EXTL3: variants seen among roughly 807,000 people sequenced by gnomAD.
EXTL3 encodes the protein exostosin like glycosyltransferase 3, also known as exostosin-like 3.
A neutral mutation model predicts 69.3 loss-of-function variants in EXTL3; 27 were observed. That is an observed-to-expected ratio of 0.39 (90% CI 0.29 to 0.54). The LOEUF (loss-of-function observed/expected upper bound fraction) is 0.54, where lower values mean the gene tolerates loss of function less well. EXTL3 is among the 20% of genes least tolerant of loss of function. The pLI is 0.69. For missense variants in EXTL3, 1,003 were observed against 1,231.8 expected (o/e 0.81, Z 2.78); for synonymous variants, 511 against 499.4 (o/e 1.02, Z -0.31).
chr8:28,718,191 T>TA lies in EXTL3; in HGVS notation c.2132_2133insA (p.Gly712TrpfsTer10), dbSNP rs763849655. The TA allele has an allele frequency of 1.2e-6, 2 of 1,614,164 alleles. No homozygotes were observed. Among genetic ancestry groups the TA allele is most frequent in the Non-Finnish European group, 1.7e-6 (2 of 1,180,028 alleles). The stretch of plus-strand genomic sequence containing the variant: ...TCAGAGGACCTTCTGTGGCCTGACA[T>TA]TGGCGTCCCCATCATGGTAATAGAG... On this transcript the variant is annotated frameshift_variant, in exon 3 of 7. Transcript: ENST00000220562. LOFTEE classifies it high-confidence loss of function.
chr8:28,616,082 G>GA (rs1243052796), intron 2 of EXTL3, among the ~76,000 whole-genome samples: 1 of 151,864 alleles, frequency 6.6e-6, no homozygotes, highest in East Asian at 1.9e-4. Context: ...TTTAAAAAAA[G>GA]AAAAAAGATA....
intron 1 of EXTL3, among the ~76,000 whole-genome samples, chr8:28,642,432 C>T (rs376957598): frequency 3.6e-5 from 5 of 137,498 alleles, no homozygotes; most frequent in East Asian, 2.1e-4. Context: ...GGTGACAGAG[C>T]GAAACACTGT....
intron 1 of EXTL3, among the ~76,000 whole-genome samples, chr8:28,668,684 A>G (rs1807237634): frequency 6.6e-6 from 1 of 151,912 alleles, no homozygotes; most frequent in South Asian, 2.1e-4. Flanking sequence ...GGAAGCTACC[A>G]TTAATTTTCA....
upstream of EXTL3, among the ~76,000 whole-genome samples, chr8:28,619,841 G>A (rs1301434835): frequency 1.8e-5 from 2 of 108,860 alleles, no homozygotes; most frequent in Non-Finnish European, 3.7e-5. Context: ...CAGGGCTTCT[G>A]GTTCTTTTTT....
At chr8:28,724,655 C>T (rs1306443568) in intron 3 of EXTL3, among the ~76,000 whole-genome samples, 7 of 151,800 alleles carry the variant, frequency 4.6e-5, no homozygotes. Flanking sequence ...CAAAAATTAG[C>T]CAGGTGCAGT....
intron 3 of EXTL3, among the ~76,000 whole-genome samples, chr8:28,722,370 G>A (rs1245358748): frequency 6.6e-6 from 1 of 152,224 alleles, no homozygotes; most frequent in Non-Finnish European, 1.5e-5. Flanking sequence ...TAGCCTAGGC[G>A]AGGAGCGGTG....
chr8:28,652,764 C>CATTAAGCTAATCATTGAAAAGATGCT (rs1175806682), intron 1 of EXTL3, among the ~76,000 whole-genome samples: 2 of 152,042 alleles, frequency 1.3e-5, no homozygotes, highest in Admixed American at 1.3e-4. Flanking sequence ...TAATGATTAG[C>CATTAAGCTAATCATTGAAAAGATGCT]AATGTTGAGC....
Position 28,717,841 on chromosome 8 carries a change from T to C in EXTL3, c.1782T>C (p.Thr594=). 6.2e-7 allele frequency: 1 copy of C among 1,612,120 alleles called. No homozygotes were observed. The highest frequency in any genetic ancestry group is 2.2e-5 in the East Asian group (1 of 44,806). ...CACCCAGATACCTCCGCAATTTCACTCTGACTGTCACTGACTTTTACCGCA... is the reference window on the plus strand; with the variant it reads ...CACCCAGATACCTCCGCAATTTCACCCTGACTGTCACTGACTTTTACCGCA... ...YASPRYLRNF[T]LTVTDFYRSW... Residue 594 remains threonine, a synonymous_variant, in exon 3 of 7, where the codon ACT becomes ACC. Coordinates refer to ENST00000220562, the MANE Select transcript of EXTL3 (RefSeq NM_001440.4). The surrounding 1 kb of genome is among the most constrained non-coding windows in gnomAD (Gnocchi z 8.3).
At chr8:28,671,188 G>A (rs527615949) in intron 1 of EXTL3, among the ~76,000 whole-genome samples, 39 of 152,032 alleles carry the variant, frequency 2.6e-4, no homozygotes, top group African/African-American at 8.9e-4. Flanking sequence ...CACCATGTTG[G>A]CTAGGCTAGT....
In EXTL3 at chr8:28,750,818, C is replaced by T. The variant is rs1198557018; in HGVS notation, c.2712C>T (p.Phe904=). 2 of 1,614,192 alleles carry T rather than the reference C, an allele frequency of 1.2e-6. No individual in the cohort carries two copies. Among genetic ancestry groups the T allele is most frequent in the South Asian group, 1.1e-5 (1 of 91,074 alleles). ...AGTTCAGGGTGGATTCTGTGCTCTT[C>T]AAGACACGCCTGCCCCATGACAAGA... ...YTQFRVDSVL[F]KTRLPHDKTK... is the part of the protein sequence containing the mutation. Residue 904 remains phenylalanine (F), a synonymous_variant, in exon 7 of 7, where the codon TTC becomes TTT. Coordinates refer to ENST00000220562, the MANE Select transcript of EXTL3 (RefSeq NM_001440.4). This position sits in a 1 kb window ranked among gnomAD's most constrained non-coding sequence, Gnocchi z 5.2.
chr8:28,661,160 G>C (rs979345760), intron 1 of EXTL3, among the ~76,000 whole-genome samples: 2 of 151,728 alleles, frequency 1.3e-5, no homozygotes, highest in Non-Finnish European at 2.9e-5. Flanking sequence ...TGATCCGCCC[G>C]CCTCAGCCTC....
rs200448051 is a variant in EXTL3 at position 28,710,613 on chromosome 8, C to T, written c.-569-2844C>T. The stretch of plus-strand genomic sequence containing the variant: ...TTTTTTTTTGTAGTTTTCTTTCTTT[C>T]TTTTTTTTTTTTTTTTTGAGGCAAG... On this transcript the variant is annotated intron_variant, in intron 1 of 6. Coordinates refer to ENST00000220562, the MANE Select transcript of EXTL3 (RefSeq NM_001440.4). 5.8e-4 allele frequency: 158 copies of T among 272,700 alleles called. No individual in the cohort carries two copies. In the Middle Eastern group the frequency reaches 6.1e-3, roughly 10 times the overall value. The allele number at this position is 272,700 out of a possible 1,614,324, so 16.9% of individuals were successfully genotyped here.
In EXTL3 at chr8:28,664,041, CCTT is replaced by C. The variant is rs375786294; in HGVS notation, c.-53+41236_-53+41238del. Among the ~76,000 whole-genome samples the C allele has an allele frequency of 4.0e-3, 617 of 152,358 alleles. 12 individuals carry two copies. The South Asian group carries it at 0.048, about 12-fold the overall frequency. On this transcript the variant is annotated intron_variant, in intron 1 of 6. Coordinates refer to the EXTL3 transcript ENST00000523149. ...ACACGTGGGCCCTGACCAGGTGACACCTTCTTCACCAGTGACGGAATGACTATT... is the reference window on the plus strand; with the variant it reads ...ACACGTGGGCCCTGACCAGGTGACACCTTCACCAGTGACGGAATGACTATT...
At chr8:28,702,174 A>C (rs1319360752) in intron 1 of EXTL3, among the ~76,000 whole-genome samples, 2 of 151,664 alleles carry the variant, frequency 1.3e-5, no homozygotes, top group Non-Finnish European at 2.9e-5. Context: ...CCCCGCTTCT[A>C]CACGCAGTCG....
rs140964100 is a variant in EXTL3, at chr8:28,609,215, C to T, written n.314+1457C>T. 6.4e-4 allele frequency among the ~76,000 whole-genome samples: 97 copies of T among 152,126 alleles called. 1 individual carries two copies. In the East Asian group the frequency reaches 0.017, roughly 27 times the overall value. ...TTGAGTTAGAGAAATAGCCTGGGGC[C>T]GTCACAGAGCATTTGTGACTCAGAG... On this transcript the variant is annotated intron_variant and non_coding_transcript_variant, in intron 2 of 4. Coordinates refer to the EXTL3 transcript ENST00000522725.
intron 1 of EXTL3, among the ~76,000 whole-genome samples, chr8:28,695,987 G>A (rs183243120): frequency 6.6e-6 from 1 of 151,956 alleles, no homozygotes; most frequent in South Asian, 2.1e-4. Context: ...GTGCGATCAC[G>A]GCTCACTGCA....
At chr8:28,672,788 A>C (rs962439611) in intron 1 of EXTL3, among the ~76,000 whole-genome samples, 1 of 152,134 alleles carries the variant, frequency 6.6e-6, no homozygotes, top group East Asian at 1.9e-4. Context: ...AAAACCTAGA[A>C]AGGTAACCGA....
intron 1 of EXTL3, among the ~76,000 whole-genome samples, chr8:28,641,962 A>G (rs2130585337): frequency 6.6e-6 from 1 of 152,080 alleles, no homozygotes; most frequent in East Asian, 1.9e-4. Flanking sequence ...CAGCCTCCCA[A>G]GTAGCTGGGA....
At chr8:28,673,625 G>C (rs1330305252) in intron 1 of EXTL3, among the ~76,000 whole-genome samples, 1 of 152,170 alleles carries the variant, frequency 6.6e-6, no homozygotes, top group Non-Finnish European at 1.5e-5. Context: ...ATAATCGTGT[G>C]AGTCAATTCC....
Sources: allele counts gnomAD v4.1 joint callset (sites outside exome capture counted in the v4.1 genomes callset), GRCh38; gene constraint gnomAD v4.1.1; non-coding constraint Gnocchi (gnomAD v3.1); transcripts MANE v1.5; gene names NCBI Gene and HGNC (gene_info 2026-07-23, HGNC 2026-07-21).